TMEM230: variants seen among roughly 807,000 people sequenced by gnomAD.
TMEM230 encodes transmembrane protein 230, also known as UPF0414 transmembrane protein C20orf30.
TMEM230 carries 10 observed loss-of-function variants against 15.8 expected under a neutral mutation model. That is an observed-to-expected ratio of 0.63 (90% CI 0.39 to 1.07). The LOEUF (loss-of-function observed/expected upper bound fraction) is 1.07. Ranked by LOEUF, TMEM230 falls within the 50% of genes least tolerant of loss-of-function variation. The probability of loss-of-function intolerance (pLI) is 0.01; values close to 1 mark genes in which losing one functional copy is unlikely to be tolerated. For missense variants in TMEM230, 165 were observed against 193.3 expected (o/e 0.85, Z 0.87); for synonymous variants, 67 against 76.9 (o/e 0.87, Z 0.68).
chr20:5,069,564 AAG>A lies in TMEM230; in HGVS notation c.223-217_223-216del, dbSNP rs372756536. Among the ~76,000 whole-genome samples the A allele has an allele frequency of 8.3e-3, 1,265 of 152,270 alleles. 20 individuals are homozygous for A. The highest frequency in any genetic ancestry group is 0.029 in the African/African-American group (1,209 of 41,562). ...GAGTGACCAAGGGAAACTACCTCTGAAGAGAGCAGACACCGACATTTCCTTCC... is the reference window on the plus strand; with the variant it reads ...GAGTGACCAAGGGAAACTACCTCTGAAGAGCAGACACCGACATTTCCTTCC... On this transcript the variant is annotated intron_variant, in intron 3 of 3. Coordinates refer to the TMEM230 transcript ENST00000612323.
chr20:5,075,398 C>T (rs1172505561), intron 3 of TMEM230, among the ~76,000 whole-genome samples: 1 of 151,426 alleles, frequency 6.6e-6, no homozygotes, highest in Non-Finnish European at 1.5e-5. Context: ...ACAGATAGTA[C>T]TCCAGTAAAG....
At chr20:5,070,830 G>A (rs1170532859) in intron 3 of TMEM230, among the ~76,000 whole-genome samples, 2 of 152,106 alleles carry the variant, frequency 1.3e-5, no homozygotes, top group Non-Finnish European at 2.9e-5. Context: ...ACAGCGGTGC[G>A]ATTAAGGCTC....
chr20:5,072,449 CAAG>C (rs974526505), intron 3 of TMEM230, among the ~76,000 whole-genome samples: 91 of 152,178 alleles, frequency 6.0e-4, no homozygotes, highest in African/African-American at 1.9e-3. Flanking sequence ...CCATGTTGGC[CAAG>C]AAGAACTCTC....
downstream of TMEM230, among the ~76,000 whole-genome samples, chr20:5,098,891 G>A (rs1476242914): frequency 6.6e-6 from 1 of 151,944 alleles, no homozygotes; most frequent in African/African-American, 2.4e-5. Flanking sequence ...TTTCAGGAAG[G>A]GTATATTAAG....
chr20:5,063,433 G>A (rs1354663528), downstream of TMEM230, among the ~76,000 whole-genome samples: 1 of 151,812 alleles, frequency 6.6e-6, no homozygotes, highest in Non-Finnish European at 1.5e-5. Context: ...GATTACAGGG[G>A]TGCACCACCG....
At chr20:5,061,804 C>T in the TMEM230 span, among the ~76,000 whole-genome samples, 5 of 152,106 alleles carry the variant, frequency 3.3e-5, no homozygotes, top group African/African-American at 7.2e-5. Context: ...CAGGAGTATA[C>T]TTGAAAATAG....
At chr20:5,101,074 T>A (rs538615965) in intron 4 of TMEM230, 143 bp from the exon 4 acceptor site, 1 of 1,024,922 alleles carries the variant, frequency 9.8e-7, no homozygotes, top group East Asian at 2.9e-5. Context: ...GGGAAAAGGT[T>A]TCCTCCTGAT....
At position 5,108,540 on chromosome 20, in the gene TMEM230, A is replaced by G. The variant is rs143842478; in HGVS notation, c.288+792T>C. Among the ~76,000 whole-genome samples, 268 of 152,318 alleles carry G rather than the reference A, an allele frequency of 1.8e-3. 1 individual carries two copies. Among genetic ancestry groups the G allele is most frequent in the African/African-American group, 6.0e-3 (251 of 41,568 alleles). ...CAAATTCAATTCAAGGTTAAGATTC[A>G]GAGACAAATTTTCCAAGGTTTGGCT... On this transcript the variant is annotated intron_variant, in intron 3 of 4. Transcript: ENST00000342308.
chr20:5,105,778 C>A (rs921239324), intron 4 of TMEM230, among the ~76,000 whole-genome samples: 9 of 152,014 alleles, frequency 5.9e-5, no homozygotes, highest in African/African-American at 1.9e-4. Context: ...ATGGTTCACA[C>A]CTGCAATCCC....
At chr20:5,110,550 GC>G (rs1401080881) in intron 2 of TMEM230, among the ~76,000 whole-genome samples, 1 of 152,146 alleles carries the variant, frequency 6.6e-6, no homozygotes, top group Non-Finnish European at 1.5e-5. Flanking sequence ...CTTCCAAAGT[GC>G]TGGGATTACA....
At chr20:5,093,191 G>A (rs6038069) in intron 3 of TMEM230, among the ~76,000 whole-genome samples, 104,064 of 152,120 alleles carry the variant, frequency 0.68, 36,356 homozygotes, top group East Asian at 0.84. Context: ...ATACATTAAC[G>A]AAGAACTATT....
downstream of TMEM230, chr20:5,099,830 C>A (rs571371193): frequency 1.1e-6 from 1 of 951,306 alleles, no homozygotes; most frequent in East Asian, 1.2e-4. Flanking sequence ...ATCATAAAAT[C>A]ATTAAAATGT....
At chr20:5,106,482 C>T (rs963638277) in intron 3 of TMEM230, among the ~76,000 whole-genome samples, 172 bp from the exon 3 acceptor site, 3 of 152,164 alleles carry the variant, frequency 2.0e-5, no homozygotes, top group African/African-American at 4.8e-5. Flanking sequence ...TGGCTCACTG[C>T]AACCTCTGCC....
intron 3 of TMEM230, among the ~76,000 whole-genome samples, chr20:5,088,043 T>TCA (rs1004315606): frequency 2.1e-5 from 3 of 140,110 alleles, no homozygotes; most frequent in African/African-American, 7.7e-5. Flanking sequence ...GCATGGTGGC[T>TCA]CACGCCTGTA....
chr20:5,093,680 G>T (rs1311221910), intron 3 of TMEM230, among the ~76,000 whole-genome samples: 2 of 151,902 alleles, frequency 1.3e-5, no homozygotes, highest in Non-Finnish European at 2.9e-5. Flanking sequence ...GGGATTACAG[G>T]AGTACACCAC....
chr20:5,082,231 TCTTTCTCTCTCTC>T, intron 3 of TMEM230, among the ~76,000 whole-genome samples: 1 of 110,196 alleles, frequency 9.1e-6, no homozygotes, highest in Admixed American at 1.0e-4. Flanking sequence ...TTTCTCTCTC[TCTTTCTCTCTCTC>T]TCTCTCTCTT....
chr20:5,069,310 G>T, exon 4 of TMEM230: 1 of 1,535,738 alleles, frequency 6.5e-7, no homozygotes, highest in Non-Finnish European at 8.7e-7. Context: ...AGATGTTTGT[G>T]GTCAGCTTTC....
chr20:5,102,250 A>G (rs181437603), intron 4 of TMEM230, among the ~76,000 whole-genome samples: 48 of 152,350 alleles, frequency 3.2e-4, no homozygotes, highest in African/African-American at 1.2e-3. Context: ...TGTACCAGAC[A>G]TGAATATAAA....
chr20:5,098,319 G>C (rs2089727655), downstream of TMEM230: 1 of 152,162 alleles, frequency 6.6e-6, no homozygotes. Flanking sequence ...TGTAATGAAA[G>C]TATTTGGCAG....
Sources: allele counts gnomAD v4.1 joint callset (sites outside exome capture counted in the v4.1 genomes callset), GRCh38; gene constraint gnomAD v4.1.1; transcripts MANE v1.5; gene names NCBI Gene and HGNC (gene_info 2026-07-23, HGNC 2026-07-21).